Variants in DCC observed in about 807,000 individuals in gnomAD.
The protein encoded by DCC is netrin receptor DCC.
Under a neutral mutation model 172.5 loss-of-function variants are expected in DCC, and 58 were observed. The observed-to-expected ratio is 0.34, with a 90% CI of 0.27 to 0.42. The LOEUF is 0.42. DCC is among the 10% of genes least tolerant of loss of function. The pLI, the probability that DCC is intolerant of heterozygous loss-of-function variation, is 1.00. For synonymous variants in DCC, 709 were observed against 644.5 expected (o/e 1.10, Z -1.52); for missense variants, 1,740 against 1,791.0 (o/e 0.97, Z 0.51).
chr18:52,882,332 T>C (rs2039498822), intron 2 of DCC, among the ~76,000 whole-genome samples: 1 of 152,064 alleles, frequency 6.6e-6, no homozygotes, highest in South Asian at 2.1e-4. Flanking sequence ...GAAACAATTT[T>C]GGTTTGGACT....
intron 1 of DCC, among the ~76,000 whole-genome samples, chr18:52,741,296 C>T (rs761009399): frequency 6.6e-6 from 1 of 152,176 alleles, no homozygotes. Context: ...CATTTCTCAC[C>T]TGAACAATGG....
At chr18:52,841,290 A>G (rs2038801164) in intron 2 of DCC, among the ~76,000 whole-genome samples, 1 of 122,880 alleles carries the variant, frequency 8.1e-6, no homozygotes, top group Non-Finnish European at 1.8e-5. Flanking sequence ...TCTGCTTAAA[A>G]AAAAAACAAC....
chr18:52,680,868 C>T (rs1360344152), intron 1 of DCC, among the ~76,000 whole-genome samples: 2 of 152,044 alleles, frequency 1.3e-5, no homozygotes, highest in African/African-American at 4.8e-5. Context: ...TTTTGCCTAA[C>T]ATAGATAACA....
At position 52,542,125 on chromosome 18, in the gene DCC, T is replaced by C. The variant is rs1226924407; in HGVS notation, c.91+201247T>C. On this transcript the variant is annotated intron_variant, in intron 1 of 28. Transcript: ENST00000442544. ...TATACTAGGACCTATCTTGTTATAT[T>C]CAATTAGCTCCTGAAGTAAAAATGC... Among the ~76,000 whole-genome samples, 3 of 151,476 alleles carry C rather than the reference T, an allele frequency of 2.0e-5. No individual in the cohort carries two copies. The East Asian group carries it at 5.8e-4, about 29-fold the overall frequency.
intron 2 of DCC, among the ~76,000 whole-genome samples, chr18:52,774,231 C>T (rs2037389715): frequency 6.6e-6 from 1 of 152,178 alleles, no homozygotes; most frequent in African/African-American, 2.4e-5. Context: ...GGAGCCCAAA[C>T]AATCCATGTT....
intron 1 of DCC, among the ~76,000 whole-genome samples, chr18:52,372,799 A>C (rs1470306530): frequency 6.6e-6 from 1 of 152,196 alleles, no homozygotes; most frequent in Non-Finnish European, 1.5e-5. Flanking sequence ...CTGCACATGC[A>C]CTGAATTTGA....
intron 1 of DCC, among the ~76,000 whole-genome samples, chr18:52,510,750 G>A (rs997071478): frequency 1.3e-5 from 2 of 151,966 alleles, no homozygotes; most frequent in African/African-American, 2.4e-5. Flanking sequence ...AAATATCATC[G>A]GTCTTCCCTG....
chr18:52,700,352 C>T (rs974436091), intron 1 of DCC, among the ~76,000 whole-genome samples: 1 of 135,634 alleles, frequency 7.4e-6, no homozygotes, highest in African/African-American at 2.6e-5. Context: ...CACACTCACT[C>T]ACATGCACAC....
In DCC at chr18:53,458,664, C is replaced by G. The variant is rs142787845; in HGVS notation, c.3393-568C>G. On this transcript the variant is annotated intron_variant, in intron 23 of 28. Transcript: ENST00000442544. ...CTGTCTCACTGTGTTTGAATCTGGACACTCAGTGATGCCAAGGCAAAAGTG... is the reference window on the plus strand; with the variant it reads ...CTGTCTCACTGTGTTTGAATCTGGAGACTCAGTGATGCCAAGGCAAAAGTG... Among the ~76,000 whole-genome samples the G allele has an allele frequency of 1.5e-3, 225 of 152,330 alleles. 2 individuals are homozygous for G. Among genetic ancestry groups the G allele is most frequent in the African/African-American group, 5.1e-3 (210 of 41,570 alleles).
intron 1 of DCC, among the ~76,000 whole-genome samples, chr18:52,577,048 T>C (rs1279010518): frequency 6.6e-6 from 1 of 152,204 alleles, no homozygotes; most frequent in African/African-American, 2.4e-5. Context: ...AATTTATAGC[T>C]GTTACAGTGC....
intron 1 of DCC, 72 bp downstream of exon 1, chr18:52,340,950 G>C (rs1465120048): frequency 8.1e-7 from 1 of 1,228,396 alleles, no homozygotes; most frequent in Non-Finnish European, 1.2e-6. Flanking sequence ...TTCATTTGGC[G>C]AGTAGTAGAA....
intron 2 of DCC, among the ~76,000 whole-genome samples, chr18:52,797,128 T>C (rs1242806562): frequency 2.0e-5 from 3 of 152,148 alleles, no homozygotes; most frequent in East Asian, 1.9e-4. Flanking sequence ...TCTTAACATA[T>C]CTGTTTCTTT....
At chr18:53,289,455 A>G (rs1325588292) in intron 12 of DCC, among the ~76,000 whole-genome samples, 1 of 152,146 alleles carries the variant, frequency 6.6e-6, no homozygotes, top group Non-Finnish European at 1.5e-5. Context: ...TATTTATCTT[A>G]GTAGATTTAA....
At chr18:52,397,593 C>T (rs746540851) in intron 1 of DCC, among the ~76,000 whole-genome samples, 24 of 151,946 alleles carry the variant, frequency 1.6e-4, no homozygotes, top group Non-Finnish European at 2.5e-4. Flanking sequence ...TAGAGTGCTA[C>T]CCTAGGCATA....
intron 5 of DCC, among the ~76,000 whole-genome samples, chr18:53,050,681 C>T (rs890753110): frequency 6.6e-6 from 1 of 151,958 alleles, no homozygotes; most frequent in African/African-American, 2.4e-5. Flanking sequence ...TGGACAGAGA[C>T]GTTGGGGTTC....
chr18:53,513,775 T>C (rs2046293493), intron 27 of DCC, among the ~76,000 whole-genome samples: 1 of 149,628 alleles, frequency 6.7e-6, no homozygotes, highest in African/African-American at 2.5e-5. Flanking sequence ...ATCCTAAATA[T>C]ATATGCACCC....
At chr18:53,348,047 C>A (rs764339335) in intron 15 of DCC, among the ~76,000 whole-genome samples, 5 of 152,134 alleles carry the variant, frequency 3.3e-5, no homozygotes, top group Non-Finnish European at 7.4e-5. Flanking sequence ...ATTTCAAAAC[C>A]AAACATGCCT....
chr18:53,390,266 C>CCTTTT (rs34412320), intron 16 of DCC, among the ~76,000 whole-genome samples: 4 of 140,728 alleles, frequency 2.8e-5, no homozygotes, highest in Non-Finnish European at 3.2e-5. Context: ...TCTCTCTCTC[C>CCTTTT]TTTTATTTTT....
chr18:53,141,414 C>G (rs1312915171), intron 7 of DCC, among the ~76,000 whole-genome samples: 1 of 152,080 alleles, frequency 6.6e-6, no homozygotes, highest in African/African-American at 2.4e-5. Flanking sequence ...CGTTAATAGT[C>G]AAAGATGGGG....
Sources: allele counts gnomAD v4.1 joint callset (sites outside exome capture counted in the v4.1 genomes callset), GRCh38; gene constraint gnomAD v4.1.1; transcripts MANE v1.5; gene names NCBI Gene and HGNC (gene_info 2026-07-23, HGNC 2026-07-21).